The following LAMC1 variants were observed in gnomAD, a reference collection of about 807,000 sequenced individuals.
The protein encoded by LAMC1 is laminin subunit gamma 1, also known as laminin subunit gamma-1.
A neutral mutation model predicts 173.6 loss-of-function variants in LAMC1; 38 were observed. That is an observed-to-expected ratio of 0.22 (90% CI 0.17 to 0.29). LAMC1 has a LOEUF of 0.29. LAMC1 is among the 10% of genes least tolerant of loss of function. LAMC1 has a pLI of 1.00. For missense variants in LAMC1, 1,824 were observed against 2,051.8 expected (o/e 0.89, Z 2.14); for synonymous variants, 746 against 749.1 (o/e 1.00, Z 0.07).
chr1:183,101,661 A>G (rs1017098749), intron 1 of LAMC1, among the ~76,000 whole-genome samples: 2 of 151,838 alleles, frequency 1.3e-5, no homozygotes, highest in Non-Finnish European at 2.9e-5. Flanking sequence ...TCGGTGGGGC[A>G]GGGATTGTCT....
At chr1:183,040,126 C>A (rs1413174945) in intron 1 of LAMC1, among the ~76,000 whole-genome samples, 1 of 152,196 alleles carries the variant, frequency 6.6e-6, no homozygotes, top group Non-Finnish European at 1.5e-5. Context: ...TCTGAGTCAG[C>A]AGCCTTTTAA....
At chr1:183,109,630 A>G (rs927981230) in intron 3 of LAMC1, among the ~76,000 whole-genome samples, 1 of 152,172 alleles carries the variant, frequency 6.6e-6, no homozygotes, top group Non-Finnish European at 1.5e-5. Context: ...AGAAGATGAG[A>G]GCTGGAGATC....
intron 1 of LAMC1, among the ~76,000 whole-genome samples, chr1:183,096,149 G>T (rs1181352938): frequency 6.6e-6 from 1 of 152,168 alleles, no homozygotes; most frequent in Non-Finnish European, 1.5e-5. Context: ...TTAGTGCTGT[G>T]ATCTTATTTA....
At chr1:183,024,254 C>A in intron 1 of LAMC1, 120 bp downstream of exon 1, 1 of 931,638 alleles carries the variant, frequency 1.1e-6, no homozygotes, top group Non-Finnish European at 1.6e-6. Context: ...CTCTGTTCCC[C>A]GGCATGGGCC....
rs376438330 is a variant in LAMC1, at chr1:183,125,454, C to T, written c.2705C>T (p.Thr902Met). ...MKQQSSCNPV[T>M]GQCECLPHVT... Reference sequence around the variant, plus strand: ...CAGCAGAGCAGCTGTAACCCCGTGACGGGGCAGTGTGAATGTTTGCCTCAC... The same window carrying T: ...CAGCAGAGCAGCTGTAACCCCGTGATGGGGCAGTGTGAATGTTTGCCTCAC... The change falls in exon 15 of 28, where the codon ACG becomes ATG. Residue 902 changes from threonine (T) to methionine (M), a missense_variant. Thr to Met is a moderately conservative substitution (Grantham distance 81). Coordinates refer to ENST00000258341, the MANE Select transcript of LAMC1 (RefSeq NM_002293.4). 117 of 1,613,866 alleles carry T rather than the reference C, an allele frequency of 7.2e-5. No individual in the cohort carries two copies. In the Admixed American group the frequency reaches 1.2e-3, roughly 17 times the overall value.
At chr1:183,119,555 G>A (rs535178271) in intron 11 of LAMC1, among the ~76,000 whole-genome samples, 8 of 152,128 alleles carry the variant, frequency 5.3e-5, no homozygotes, top group South Asian at 4.2e-4. Context: ...GCAACATGGC[G>A]AAACCACATC....
chr1:183,028,708 G>GGAA (rs1240847192), intron 1 of LAMC1, among the ~76,000 whole-genome samples: 1 of 152,198 alleles, frequency 6.6e-6, no homozygotes, highest in African/African-American at 2.4e-5. Context: ...AGAGATACCA[G>GGAA]ACTCCTTTGG....
chr1:183,135,890 CAAAA>C (rs34380430), intron 24 of LAMC1, among the ~76,000 whole-genome samples: 1 of 104,084 alleles, frequency 9.6e-6, no homozygotes. Flanking sequence ...CCTTGTCTCT[CAAAA>C]AAAAAAAAAA....
At chr1:183,072,811 G>T (rs375829779) in intron 1 of LAMC1, among the ~76,000 whole-genome samples, 1 of 152,208 alleles carries the variant, frequency 6.6e-6, no homozygotes, top group African/African-American at 2.4e-5. Context: ...CATGAACCCT[G>T]TTGTGAAATG....
In LAMC1 at chr1:183,023,545, G is replaced by C. The variant is rs1356260863; in HGVS notation, c.-172G>C. ...CGGCGAGCAGCGCGGTCCTCGCTAG[G>C]GGCGCCCACCCGTCAGTCTCTCCGG... On this transcript the variant is annotated 5_prime_UTR_variant, in exon 1 of 28. Transcript: ENST00000258341. 3.0e-6 allele frequency: 1 copy of C among 328,476 alleles called. No individual in the cohort carries two copies. Among genetic ancestry groups the C allele is most frequent in the Non-Finnish European group, 4.9e-6 (1 of 203,042 alleles). 20.3% of individuals were successfully genotyped at this position (328,476 alleles called of 1,614,324 possible). A position where few individuals can be genotyped will look rare whatever the true frequency, so the allele number is the denominator to read the frequency against.
intron 1 of LAMC1, among the ~76,000 whole-genome samples, chr1:183,030,613 G>A (rs1013692599): frequency 1.3e-5 from 2 of 152,082 alleles, no homozygotes; most frequent in African/African-American, 4.8e-5. Context: ...AATGTAGTAT[G>A]TGGTTTTATT....
chr1:183,124,691 C>T lies in LAMC1; in HGVS notation c.2462C>T (p.Pro821Leu). 2 of 1,614,242 alleles carry T rather than the reference C, an allele frequency of 1.2e-6. No homozygotes were observed. The highest frequency in any genetic ancestry group is 1.7e-6 in the Non-Finnish European group (2 of 1,180,042). Residue 821 changes from proline (P) to leucine (L), a missense_variant, in exon 14 of 28, where the codon CCT (proline) becomes CTT (leucine). Transcript: ENST00000258341. ...GGAGACCCCCTGGGTAGAAACGGCCCTGTGAGACTTTGCCGCCTGTGCCAG... is the reference window on the plus strand; with the variant it reads ...GGAGACCCCCTGGGTAGAAACGGCCTTGTGAGACTTTGCCGCCTGTGCCAG... ...YFGDPLGRNGPVRLCRLCQCS... is the reference protein window; with the variant it reads ...YFGDPLGRNGLVRLCRLCQCS...
intron 1 of LAMC1, among the ~76,000 whole-genome samples, chr1:183,067,826 C>T (rs2102037643): frequency 6.6e-6 from 1 of 152,108 alleles, no homozygotes; most frequent in Admixed American, 6.5e-5. Flanking sequence ...TTATTTTTGG[C>T]TTGTCAGTAT....
At chr1:183,099,877 G>A (rs763598046) in intron 1 of LAMC1, among the ~76,000 whole-genome samples, 11 of 152,090 alleles carry the variant, frequency 7.2e-5, no homozygotes, top group Middle Eastern at 3.4e-3. Context: ...CTAGTGTATC[G>A]GAAACTGAAT....
chr1:183,128,080 G>A (rs1039273349), intron 17 of LAMC1, among the ~76,000 whole-genome samples: 7 of 152,110 alleles, frequency 4.6e-5, no homozygotes, highest in African/African-American at 1.4e-4. Context: ...ATGTGTCTTG[G>A]GTTTTTTGCT....
At chr1:183,031,944 A>C (rs951814790) in intron 1 of LAMC1, among the ~76,000 whole-genome samples, 3 of 151,986 alleles carry the variant, frequency 2.0e-5, no homozygotes, top group Non-Finnish European at 2.9e-5. Context: ...AGAAAAAAAA[A>C]CACATATGTA....
rs1184049602 is a variant in LAMC1, at chr1:183,126,205, C to G, written c.2887C>G (p.Gln963Glu). The part of the protein sequence containing the change: ...QCECQPGITG[Q>E]HCERCEVNHF... ...TGAGTGCCAGCCCGGCATCACTGGT[C>G]AGCACTGTGAGCGCTGTGAGGTCAA... The change falls in exon 16 of 28, where the codon CAG becomes GAG. Residue 963 changes from glutamine to glutamate, a missense_variant. Transcript: ENST00000258341. The G allele has an allele frequency of 6.2e-7, 1 of 1,614,180 alleles. No homozygotes were observed. The highest frequency in any genetic ancestry group is 8.5e-7 in the Non-Finnish European group (1 of 1,180,036).
chr1:183,082,315 A>G (rs1324824671), intron 1 of LAMC1, among the ~76,000 whole-genome samples: 1 of 152,266 alleles, frequency 6.6e-6, no homozygotes, highest in Admixed American at 6.5e-5. Context: ...GTATGTTTAG[A>G]AGAAACTGCC....
chr1:183,062,798 A>T (rs927047489), intron 1 of LAMC1, among the ~76,000 whole-genome samples: 2 of 152,100 alleles, frequency 1.3e-5, no homozygotes, highest in Non-Finnish European at 2.9e-5. Context: ...CTAAAAACAC[A>T]AAAAAATTAG....
Sources: allele counts gnomAD v4.1 joint callset (sites outside exome capture counted in the v4.1 genomes callset), GRCh38; gene constraint gnomAD v4.1.1; transcripts MANE v1.5; gene names NCBI Gene and HGNC (gene_info 2026-07-23, HGNC 2026-07-21).